The following PPFIA2 variants were observed in gnomAD, a reference collection of about 807,000 sequenced individuals.
PPFIA2 encodes liprin-alpha-2.
A neutral mutation model predicts 175.5 loss-of-function variants in PPFIA2; 46 were observed. The ratio of observed to expected loss-of-function variants is 0.26; its 90% CI spans 0.21 to 0.34. PPFIA2 has a LOEUF of 0.34. Ranked by LOEUF, PPFIA2 falls within the 10% of genes least tolerant of loss-of-function variation. The pLI is 1.00. For synonymous variants in PPFIA2, 568 were observed against 511.4 expected, an observed-to-expected ratio of 1.11 and a Z score of -1.49; for missense variants, 1,179 against 1,506.1, an observed-to-expected ratio of 0.78 and a Z score of 3.60.
At chr12:81,494,945 G>C (rs1443838518) in intron 4 of PPFIA2, among the ~76,000 whole-genome samples, 1 of 118,196 alleles carries the variant, frequency 8.5e-6, no homozygotes, top group Non-Finnish European at 1.7e-5. Flanking sequence ...GGACTGTTGT[G>C]GGGTGGGGGG....
At chr12:81,411,796 G>T (rs187802644) in intron 7 of PPFIA2, among the ~76,000 whole-genome samples, 1 of 152,022 alleles carries the variant, frequency 6.6e-6, no homozygotes, top group African/African-American at 2.4e-5. Flanking sequence ...ACTCTCATTG[G>T]GGAAAATAAG....
intron 8 of PPFIA2, among the ~76,000 whole-genome samples, chr12:81,394,595 G>A (rs532632674): frequency 1.8e-4 from 27 of 151,980 alleles, no homozygotes; most frequent in Admixed American, 1.1e-3. Context: ...ATAAGTGGAA[G>A]TTGAACAACG....
At chr12:81,597,837 A>G (rs2059409359) in intron 4 of PPFIA2, 1 of 1,062,264 alleles carries the variant, frequency 9.4e-7, no homozygotes, top group Non-Finnish European at 1.3e-6. Context: ...CATTCCATAC[A>G]TTTTCTTCAA....
chr12:81,718,437 A>C (rs1372756426), intron 3 of PPFIA2, among the ~76,000 whole-genome samples: 1 of 151,594 alleles, frequency 6.6e-6, no homozygotes, highest in Non-Finnish European at 1.5e-5. Context: ...TAGAAACTGA[A>C]GCTAGATGAA....
At chr12:81,433,229 T>C (rs1452174396) in intron 7 of PPFIA2, among the ~76,000 whole-genome samples, 3 of 152,180 alleles carry the variant, frequency 2.0e-5, no homozygotes, top group African/African-American at 7.2e-5. Flanking sequence ...TTCTTAATCA[T>C]TCTGTCTCCT....
chr12:81,752,877 C>CA (rs2084037510), intron 3 of PPFIA2, among the ~76,000 whole-genome samples: 1 of 151,638 alleles, frequency 6.6e-6, no homozygotes, highest in Admixed American at 6.6e-5. Flanking sequence ...GGGTGAGTAT[C>CA]AAAAATCCCA....
At chr12:81,393,342 G>A (rs2040500948) in intron 8 of PPFIA2, among the ~76,000 whole-genome samples, 1 of 152,010 alleles carries the variant, frequency 6.6e-6, no homozygotes, top group Admixed American at 6.6e-5. Flanking sequence ...CAAATTGAAA[G>A]CTTTCAAATG....
At chr12:81,416,214 C>A (rs1401334374) in intron 7 of PPFIA2, among the ~76,000 whole-genome samples, 1 of 151,524 alleles carries the variant, frequency 6.6e-6, no homozygotes, top group African/African-American at 2.4e-5. Flanking sequence ...AGAATGAAAG[C>A]AAACACCAAT....
Position 81,680,569 on chromosome 12 carries a change from G to A in PPFIA2, c.250-3725C>T, listed in dbSNP as rs748526451. On this transcript the variant is annotated intron_variant, in intron 3 of 32. Coordinates refer to ENST00000549396, the MANE Select transcript of PPFIA2 (RefSeq NM_003625.5). ...CTGGTAAATCTTGATGGAATATCCC[G>A]TGACTCTCCCAGAACATGACAAAGG... Among the ~76,000 whole-genome samples the A allele has an allele frequency of 3.9e-5, 6 of 151,956 alleles. No homozygotes were observed. In the East Asian group the frequency reaches 7.8e-4, roughly 20 times the overall value.
intron 7 of PPFIA2, among the ~76,000 whole-genome samples, chr12:81,433,369 C>T (rs951106442): frequency 2.6e-5 from 4 of 152,078 alleles, no homozygotes; most frequent in Admixed American, 2.6e-4. Context: ...TTCTCTGTTC[C>T]CTTCTGTATT....
Position 81,376,036 on chromosome 12 carries a change from T to C in PPFIA2, c.985-94A>G, listed in dbSNP as rs896953640. On this transcript the variant is annotated intron_variant, in intron 9 of 32. Coordinates refer to ENST00000549396, the MANE Select transcript of PPFIA2 (RefSeq NM_003625.5). ...AAATAAAAAAGAAACATAAAAACTA[T>C]TGCATTCTTGAAGTAAATACTCATT... 8.3e-5 allele frequency: 98 copies of C among 1,173,856 alleles called. 1 individual carries two copies. Among genetic ancestry groups the C allele is most frequent in the Non-Finnish European group, 1.1e-4 (93 of 828,604 alleles). The allele number at this position is 1,173,856 out of a possible 1,614,324, so 72.7% of individuals were successfully genotyped here.
intron 3 of PPFIA2, among the ~76,000 whole-genome samples, chr12:81,680,509 C>G (rs2073413077): frequency 6.6e-6 from 1 of 151,912 alleles, no homozygotes; most frequent in Non-Finnish European, 1.5e-5. Flanking sequence ...CTGCACATAT[C>G]TATGTTGGCG....
intron 18 of PPFIA2, among the ~76,000 whole-genome samples, chr12:81,345,401 T>C (rs960742080): frequency 2.6e-5 from 4 of 152,138 alleles, no homozygotes; most frequent in African/African-American, 9.7e-5. Context: ...ACTCTAATTA[T>C]AATGTAATAA....
intron 23 of PPFIA2, among the ~76,000 whole-genome samples, chr12:81,297,169 C>A (rs1366011146): frequency 1.3e-5 from 2 of 152,120 alleles, no homozygotes; most frequent in Non-Finnish European, 2.9e-5. Context: ...GAAGTGGATT[C>A]TCCCCAAGTC....
chr12:81,706,081 T>C lies in PPFIA2; in HGVS notation c.250-29237A>G, dbSNP rs140335005. On this transcript the variant is annotated intron_variant, in intron 3 of 32. Transcript: ENST00000549396. ...TTTGAAACTGCATGTGTATCTCACA[T>C]TGTATTTCTACTGGGCAATGCTGCT... Among the ~76,000 whole-genome samples the C allele has an allele frequency of 1.2e-4, 18 of 152,350 alleles. 1 individual carries two copies. Among genetic ancestry groups the C allele is most frequent in the African/African-American group, 4.1e-4 (17 of 41,586 alleles).
At chr12:81,569,184 T>A (rs1004792701) in intron 4 of PPFIA2, among the ~76,000 whole-genome samples, 3 of 152,142 alleles carry the variant, frequency 2.0e-5, no homozygotes, top group African/African-American at 7.2e-5. Flanking sequence ...TTCTATGTGT[T>A]CATATTTCAT....
chr12:81,356,662 C>CA (rs1053820314), intron 16 of PPFIA2, among the ~76,000 whole-genome samples: 2 of 150,196 alleles, frequency 1.3e-5, no homozygotes, highest in African/African-American at 4.9e-5. Flanking sequence ...TACCCTGTCT[C>CA]AAAAAAATAA....
At chr12:81,288,704 A>G (rs1186692065) in intron 24 of PPFIA2, among the ~76,000 whole-genome samples, 1 of 151,810 alleles carries the variant, frequency 6.6e-6, no homozygotes, top group African/African-American at 2.4e-5. Context: ...TAATGGAATT[A>G]CAAAGTAGTA....
At chr12:81,649,470 G>A (rs1473912772) in intron 4 of PPFIA2, among the ~76,000 whole-genome samples, 1 of 152,168 alleles carries the variant, frequency 6.6e-6, no homozygotes, top group Non-Finnish European at 1.5e-5. Context: ...TGTTGATGAT[G>A]CCAAATGACA....
Sources: allele counts gnomAD v4.1 joint callset (sites outside exome capture counted in the v4.1 genomes callset), GRCh38; gene constraint gnomAD v4.1.1; transcripts MANE v1.5; gene names NCBI Gene and HGNC (gene_info 2026-07-23, HGNC 2026-07-21).